The following SVEP1 variants were observed in gnomAD, a reference collection of about 807,000 sequenced individuals.
SVEP1 encodes the protein sushi, von Willebrand factor type A, EGF and pentraxin domain-containing protein 1.
SVEP1 carries 164 observed loss-of-function variants against 367.3 expected under a neutral mutation model. The observed-to-expected ratio is 0.45, with a 90% CI of 0.39 to 0.51. SVEP1 has a LOEUF of 0.51. SVEP1 is among the 20% of genes least tolerant of loss of function. The pLI, the probability that SVEP1 is intolerant of heterozygous loss-of-function variation, is 0.00. For synonymous variants in SVEP1, 1,666 were observed against 1,611.6 expected (o/e 1.03, Z -0.81); for missense variants, 4,117 against 4,425.3 (o/e 0.93, Z 1.98).
chr9:110,563,051 G>T (rs902250605), intron 1 of SVEP1, among the ~76,000 whole-genome samples: 11 of 152,196 alleles, frequency 7.2e-5, no homozygotes, highest in African/African-American at 2.6e-4. Flanking sequence ...AGATGAAAGA[G>T]AATAAATTGA....
chr9:110,385,821 T>G, intron 43 of SVEP1, 77 bp downstream of exon 43: 1 of 1,486,860 alleles, frequency 6.7e-7, no homozygotes, highest in Non-Finnish European at 9.0e-7. Flanking sequence ...CTAAGTGACT[T>G]GATTGAAAAC....
intron 32 of SVEP1, among the ~76,000 whole-genome samples, chr9:110,431,520 T>C (rs1056209795): frequency 1.3e-5 from 2 of 152,196 alleles, no homozygotes; most frequent in Non-Finnish European, 1.5e-5. Context: ...TTTTCAATGA[T>C]ATAATTTTAT....
chr9:110,486,403 A>G (rs1829277227), intron 9 of SVEP1, among the ~76,000 whole-genome samples: 1 of 152,204 alleles, frequency 6.6e-6, no homozygotes, highest in African/African-American at 2.4e-5. Context: ...GCCCACTTCA[A>G]AGCAAGTGAG....
In SVEP1 at chr9:110,499,383, T is replaced by C. The variant is rs1420080283; in HGVS notation, c.1484-145A>G. ...TGATAACTATATATGACATTGAATGTATAATATATTGTAAATAATGCTAAC... is the reference window on the plus strand; with the variant it reads ...TGATAACTATATATGACATTGAATGCATAATATATTGTAAATAATGCTAAC... On this transcript the variant is annotated intron_variant, in intron 6 of 47. Transcript: ENST00000374469. 3.0e-5 allele frequency: 21 copies of C among 699,760 alleles called. No individual in the cohort carries two copies. The East Asian group carries it at 5.9e-4, about 20-fold the overall frequency. 43.3% of individuals were successfully genotyped at this position (699,760 alleles called of 1,614,324 possible). A position where few individuals can be genotyped will look rare whatever the true frequency, so the allele number is the denominator to read the frequency against.
chr9:110,466,292 C>T (rs1828935666), intron 17 of SVEP1, among the ~76,000 whole-genome samples: 1 of 151,986 alleles, frequency 6.6e-6, no homozygotes, highest in Non-Finnish European at 1.5e-5. Context: ...AAATAGTTGT[C>T]GAATGAAGTT....
chr9:110,576,746 T>C (rs1830632081), intron 1 of SVEP1, among the ~76,000 whole-genome samples: 2 of 152,078 alleles, frequency 1.3e-5, no homozygotes. Flanking sequence ...AGATGTAAAC[T>C]TGAAAAATAT....
chr9:110,499,284 T>G, intron 6 of SVEP1, 46 bp from the exon 7 acceptor site: 1 of 1,541,124 alleles, frequency 6.5e-7, no homozygotes, highest in East Asian at 2.3e-5. Context: ...TCCCACAAAT[T>G]GGAAATGCCA....
In SVEP1 at chr9:110,386,090, G is replaced by C; in HGVS notation, c.10061-16C>G. Reference sequence around the variant, plus strand: ...CATGGATTTGCTGTCAAAAAGAAAAGAAAATGCTTACTGATATTTCCCCTC... The same window carrying C: ...CATGGATTTGCTGTCAAAAAGAAAACAAAATGCTTACTGATATTTCCCCTC... On this transcript the variant is annotated splice_polypyrimidine_tract_variant and intron_variant, in intron 42 of 47. Transcript: ENST00000374469. 1.2e-6 allele frequency: 2 copies of C among 1,600,792 alleles called. 1 individual carries two copies. The highest frequency in any genetic ancestry group is 2.2e-5 in the South Asian group (2 of 89,050).
At chr9:110,458,379 A>C in intron 20 of SVEP1, 92 bp downstream of exon 20, 1 of 1,075,090 alleles carries the variant, frequency 9.3e-7, no homozygotes, top group East Asian at 2.6e-5. Flanking sequence ...TTAAAGTTTC[A>C]ATCCTGGTCC....
chr9:110,429,280 G>A lies in SVEP1; in HGVS notation c.5670C>T (p.Asn1890=), dbSNP rs1828311867. 1.9e-6 allele frequency: 3 copies of A among 1,596,000 alleles called. No individual in the cohort carries two copies. Among genetic ancestry groups the A allele is most frequent in the Non-Finnish European group, 1.7e-6 (2 of 1,170,790 alleles). ...AGDKESSCLA[N]SSWSHSPPVC... is the part of the protein sequence containing the mutation. ...CAGGAGGGGAATGACTCCAAGAACT[G>A]TTAGCAAGACAGGATGATTCTTTAT... The change falls in exon 35 of 48, where the codon AAC becomes AAT. Residue 1890 remains asparagine, a synonymous_variant. Transcript: ENST00000374469.
chr9:110,540,838 T>C (rs1220117940), intron 3 of SVEP1, among the ~76,000 whole-genome samples: 1 of 152,194 alleles, frequency 6.6e-6, no homozygotes, highest in African/African-American at 2.4e-5. Flanking sequence ...CATCAGGATC[T>C]TGTCCATGAA....
intron 36 of SVEP1, among the ~76,000 whole-genome samples, chr9:110,426,248 G>A (rs897695772): frequency 6.6e-6 from 1 of 152,132 alleles, no homozygotes; most frequent in Non-Finnish European, 1.5e-5. Context: ...AGAAAATATT[G>A]TTGCCACCTG....
chr9:110,468,884 C>G, intron 17 of SVEP1, 56 bp downstream of exon 17: 2 of 1,482,898 alleles, frequency 1.3e-6, no homozygotes, highest in South Asian at 2.8e-5. Flanking sequence ...TTCTTTCCCC[C>G]AAAAGGGAAA....
In SVEP1 at chr9:110,455,532, A is replaced by G. The variant is rs1284245802; in HGVS notation, c.3787+58T>C. ...GACACATTCCAAATTTATCTCAGTG[A>G]TGAAATGTTAATGATTCAAAGATTT... On this transcript the variant is annotated intron_variant, in intron 22 of 47. Coordinates refer to ENST00000374469, the MANE Select transcript of SVEP1 (RefSeq NM_153366.4). 2.0e-5 allele frequency: 26 copies of G among 1,288,982 alleles called. No homozygotes were observed. In the Admixed American group the frequency reaches 5.4e-4, roughly 27 times the overall value. The allele number at this position is 1,288,982 out of a possible 1,614,324, so 79.8% of individuals were successfully genotyped here.
intron 17 of SVEP1, among the ~76,000 whole-genome samples, chr9:110,467,464 G>C (rs989447248): frequency 6.6e-6 from 1 of 152,114 alleles, no homozygotes; most frequent in African/African-American, 2.4e-5. Context: ...CAAATCTCAT[G>C]TTGAAATATA....
intron 39 of SVEP1, 127 bp from the exon 40 acceptor site, chr9:110,401,136 T>C (rs1361768403): frequency 1.7e-6 from 2 of 1,160,946 alleles, no homozygotes; most frequent in Non-Finnish European, 1.2e-6. Flanking sequence ...CAGGGTTTGG[T>C]CCTACTTTTG....
chr9:110,481,217 A>C, intron 12 of SVEP1, 25 bp downstream of exon 12: 1 of 1,451,644 alleles, frequency 6.9e-7, no homozygotes, highest in Non-Finnish European at 9.2e-7. Context: ...ACATTAAAGA[A>C]GTCTAGAATA....
At chr9:110,532,357 G>A (rs978723563) in intron 3 of SVEP1, among the ~76,000 whole-genome samples, 1 of 152,092 alleles carries the variant, frequency 6.6e-6, no homozygotes, top group African/African-American at 2.4e-5. Flanking sequence ...TAAATCTAAG[G>A]GAGAAGGGAT....
intron 3 of SVEP1, among the ~76,000 whole-genome samples, chr9:110,517,716 C>T (rs918011871): frequency 2.2e-5 from 3 of 138,528 alleles, no homozygotes; most frequent in Non-Finnish European, 4.5e-5. Flanking sequence ...GCAATCCAGC[C>T]TGGGGCCTGG....
Sources: allele counts gnomAD v4.1 joint callset (sites outside exome capture counted in the v4.1 genomes callset), GRCh38; gene constraint gnomAD v4.1.1; transcripts MANE v1.5; gene names NCBI Gene and HGNC (gene_info 2026-07-23, HGNC 2026-07-21).